Variants in LUC7L2 observed in about 807,000 individuals in gnomAD.
LUC7L2 encodes the protein putative RNA-binding protein Luc7-like 2.
A neutral mutation model predicts 52.8 loss-of-function variants in LUC7L2; 25 were observed. The observed-to-expected ratio is 0.47, with a 90% CI of 0.34 to 0.66. The LOEUF is 0.66. Among genes scored for constraint, LUC7L2 ranks in the 30% least tolerant of loss-of-function variants. The probability of loss-of-function intolerance (pLI) is 0.01; values close to 1 mark genes in which losing one functional copy is unlikely to be tolerated. For missense variants in LUC7L2, 328 were observed against 497.8 expected, an observed-to-expected ratio of 0.66 and a Z score of 3.25; for synonymous variants, 144 against 160.9, an observed-to-expected ratio of 0.89 and a Z score of 0.80.
intron 1 of LUC7L2, among the ~76,000 whole-genome samples, chr7:139,348,835 G>T (rs1173968168): frequency 6.6e-6 from 1 of 152,042 alleles, no homozygotes; most frequent in Non-Finnish European, 1.5e-5. Flanking sequence ...AGGCCAACAA[G>T]GTTGTTGTAA....
At chr7:139,416,285 A>T (rs531586578) in intron 8 of LUC7L2, 8 of 149,930 alleles carry the variant, frequency 5.3e-5, no homozygotes, top group African/African-American at 2.0e-4. Flanking sequence ...ACCCCCACCC[A>T]CCCCACAAGT....
At chr7:139,344,209 G>T (rs7808740) in intron 1 of LUC7L2, among the ~76,000 whole-genome samples, 59,212 of 152,038 alleles carry the variant, frequency 0.39, 16,152 homozygotes, top group African/African-American at 0.78. Flanking sequence ...TGAGTCCAGA[G>T]TTTTCAAGAT....
chr7:139,342,865 T>A (rs1183654182), intron 1 of LUC7L2, among the ~76,000 whole-genome samples: 1 of 152,218 alleles, frequency 6.6e-6, no homozygotes, highest in Non-Finnish European at 1.5e-5. Flanking sequence ...AAATTCATGG[T>A]ACATTCTGGA....
chr7:139,421,110 C>T (rs1018555946), intron 9 of LUC7L2, among the ~76,000 whole-genome samples: 1 of 152,130 alleles, frequency 6.6e-6, no homozygotes, highest in Non-Finnish European at 1.5e-5. Context: ...CTTTTTATAT[C>T]ATTTTAAGTT....
chr7:139,388,233 T>C (rs576398848), intron 2 of LUC7L2, among the ~76,000 whole-genome samples: 1 of 152,340 alleles, frequency 6.6e-6, no homozygotes, highest in East Asian at 1.9e-4. Context: ...GACCTCTTGT[T>C]TTAACTTTTT....
chr7:139,358,454 C>A (rs1472645633), upstream of LUC7L2, among the ~76,000 whole-genome samples: 1 of 150,890 alleles, frequency 6.6e-6, no homozygotes, highest in Non-Finnish European at 1.5e-5. Context: ...CAGGAAGTGC[C>A]TGTCTTCTTA....
At chr7:139,344,290 C>G (rs965611638) in intron 1 of LUC7L2, among the ~76,000 whole-genome samples, 3 of 152,070 alleles carry the variant, frequency 2.0e-5, no homozygotes, top group African/African-American at 7.2e-5. Flanking sequence ...AGGACACCCC[C>G]CACCCCCACT....
chr7:139,341,350 G>A, intron 1 of LUC7L2: 2 of 1,588,004 alleles, frequency 1.3e-6, no homozygotes, highest in South Asian at 1.1e-5. Flanking sequence ...GTCGTAGGAC[G>A]CCGTTGGGCA....
At chr7:139,408,451 G>T (rs1466471354) in intron 6 of LUC7L2, among the ~76,000 whole-genome samples, 2 of 152,130 alleles carry the variant, frequency 1.3e-5, no homozygotes, top group Admixed American at 1.3e-4. Flanking sequence ...GGGAACTTGT[G>T]ATTTATAATG....
intron 2 of LUC7L2, among the ~76,000 whole-genome samples, chr7:139,382,690 A>G (rs1294327371): frequency 6.6e-6 from 1 of 152,140 alleles, no homozygotes; most frequent in Admixed American, 6.6e-5. Context: ...ACCATGCCCA[A>G]CCTAAAGTAA....
chr7:139,393,197 G>T (rs1794520000), intron 2 of LUC7L2, among the ~76,000 whole-genome samples: 1 of 151,984 alleles, frequency 6.6e-6, no homozygotes. Flanking sequence ...AACCTGGGAG[G>T]CAGAGGTTGC....
chr7:139,421,194 A>G (rs77414093), intron 9 of LUC7L2, among the ~76,000 whole-genome samples: 1,949 of 152,316 alleles, frequency 0.013, 44 homozygotes, highest in African/African-American at 0.045. Flanking sequence ...CTCCTTAACT[A>G]TATTTCTAAA....
At chr7:139,385,122 T>C (rs1409721197) in intron 2 of LUC7L2, among the ~76,000 whole-genome samples, 2 of 152,172 alleles carry the variant, frequency 1.3e-5, no homozygotes, top group South Asian at 2.1e-4. Context: ...AGTACAGATA[T>C]ACGTTCATAT....
chr7:139,377,590 C>G (rs760981899), intron 2 of LUC7L2, among the ~76,000 whole-genome samples: 4 of 152,054 alleles, frequency 2.6e-5, no homozygotes, highest in African/African-American at 4.8e-5. Context: ...GATGAAGTTT[C>G]GTCATGTTGG....
intron 1 of LUC7L2, chr7:139,345,458 A>C (rs754072562): frequency 4.3e-6 from 7 of 1,611,308 alleles, no homozygotes; most frequent in Non-Finnish European, 5.9e-6. Flanking sequence ...GTGGACCTGT[A>C]TCTCTAGCTG....
chr7:139,407,860 A>G (rs1795190623), intron 6 of LUC7L2, among the ~76,000 whole-genome samples: 1 of 152,226 alleles, frequency 6.6e-6, no homozygotes, highest in African/African-American at 2.4e-5. Flanking sequence ...TACTTAAATA[A>G]TATAGGCTTT....
At position 139,409,617 on chromosome 7, in the gene LUC7L2, G is replaced by A; in HGVS notation, c.742G>A (p.Glu248Lys). ...AAACCAGGAACGGCTGAAACGAAGA[G>A]AAGAGAGAGAGAGAGAAGAAAGGGA... ...KRNQERLKRR[E>K]EREREEREKL... The change falls in exon 7 of 10, where the codon GAA becomes AAA. Residue 248 changes from glutamate to lysine, a missense_variant. Physicochemically the swap from Glu to Lys is moderately conservative, Grantham distance 56. This residue lies in a region of LUC7L2 where 195 missense variants were observed against 223.3 expected (regional missense o/e 0.87). Transcript: ENST00000354926. 1 of 1,611,710 alleles carries A rather than the reference G, an allele frequency of 6.2e-7. No homozygotes were observed.
rs187458867 is a variant in LUC7L2 at position 139,340,614 on chromosome 7, G to A, written c.-26+97G>A. ...GTGGGCGCTAGGTGTGGTTTCGTGG[G>A]ATAGGGTAAGGCGAAAATGAAGTGA... On this transcript the variant is annotated intron_variant, in intron 1 of 10. Transcript: ENST00000541170. 6.5e-3 allele frequency: 2,589 copies of A among 397,056 alleles called. 23 individuals carry two copies. The highest frequency in any genetic ancestry group is 0.026 in the Middle Eastern group (41 of 1,588). 24.6% of individuals were successfully genotyped at this position (397,056 alleles called of 1,614,324 possible).
At chr7:139,382,065 G>A (rs1176372443) in intron 2 of LUC7L2, among the ~76,000 whole-genome samples, 1 of 151,514 alleles carries the variant, frequency 6.6e-6, no homozygotes, top group African/African-American at 2.4e-5. Flanking sequence ...TTGTATTTTT[G>A]TATTTTAGTA....
Sources: allele counts gnomAD v4.1 joint callset (sites outside exome capture counted in the v4.1 genomes callset), GRCh38; gene constraint gnomAD v4.1.1; regional missense constraint gnomAD v4.1.1; transcripts MANE v1.5; gene names NCBI Gene and HGNC (gene_info 2026-07-23, HGNC 2026-07-21).